NOC3L: variants seen among roughly 807,000 people sequenced by gnomAD.
The protein encoded by NOC3L is nucleolar complex protein 3 homolog.
A neutral mutation model predicts 102.5 loss-of-function variants in NOC3L; 85 were observed. The observed-to-expected ratio is 0.83, with a 90% CI of 0.70 to 0.99. The LOEUF (loss-of-function observed/expected upper bound fraction) is 0.99, where lower values mean the gene tolerates loss of function less well. Among genes scored for constraint, NOC3L ranks in the 50% least tolerant of loss-of-function variants. The probability of loss-of-function intolerance (pLI) is 0.00; values close to 1 mark genes in which losing one functional copy is unlikely to be tolerated. For synonymous variants in NOC3L, 303 were observed against 309.4 expected (o/e 0.98, Z 0.22); for missense variants, 878 against 914.9 (o/e 0.96, Z 0.52).
intron 17 of NOC3L, among the ~76,000 whole-genome samples, chr10:94,339,083 G>T: frequency 6.6e-6 from 1 of 152,046 alleles, no homozygotes; most frequent in East Asian, 1.9e-4. Context: ...AGCAAAAAAA[G>T]AAATAACCTA....
the NOC3L span, chr10:94,328,053 G>A: frequency 6.0e-5 from 30 of 502,916 alleles, no homozygotes; most frequent in Admixed American, 1.7e-4. Context: ...GGAAATTGAT[G>A]ATTTCTGAAC....
At position 94,357,855 on chromosome 10, in the gene NOC3L, C is replaced by G. The variant is rs1045102160; in HGVS notation, c.350+228G>C. 10 of 490,676 alleles carry G rather than the reference C, an allele frequency of 2.0e-5. No homozygotes were observed. The South Asian group carries it at 2.3e-4, about 11-fold the overall frequency. The allele number at this position is 490,676 out of a possible 1,614,324, so 30.4% of individuals were successfully genotyped here. A position where few individuals can be genotyped will look rare whatever the true frequency, so the allele number is the denominator to read the frequency against. ...TCAAAGTGAGAACAGCATTCTTCCC[C>G]CATTCACTCTACTTGACTATTCAGA... is the stretch of plus-strand genomic sequence containing the variant. On this transcript the variant is annotated intron_variant, in intron 3 of 20. Transcript: ENST00000371361.
At chr10:94,328,157 G>A in the NOC3L span, 1 of 305,290 alleles carries the variant, frequency 3.3e-6, no homozygotes, top group Non-Finnish European at 7.0e-6. Context: ...ATGAAGCCCA[G>A]GGGACTGCCA....
intron 3 of NOC3L, 156 bp from the exon 4 acceptor site, chr10:94,357,487 C>G (rs1156266271): frequency 4.4e-6 from 2 of 450,800 alleles, no homozygotes; most frequent in African/African-American, 2.0e-5. Context: ...AGCAGGCACT[C>G]AAACAGCAAA....
At chr10:94,357,766 A>G (rs2054505370) in intron 3 of NOC3L, 1 of 298,286 alleles carries the variant, frequency 3.4e-6, no homozygotes, top group Non-Finnish European at 6.1e-6. Context: ...AAGACCTACC[A>G]GCAGGGTAAT....
chr10:94,340,151 C>G, intron 16 of NOC3L, 125 bp downstream of exon 16: 1 of 829,372 alleles, frequency 1.2e-6, no homozygotes, highest in African/African-American at 1.7e-5. Context: ...AATACAGATG[C>G]ATGGCACTGG....
At chr10:94,337,030 T>C (rs897156743) in intron 19 of NOC3L, among the ~76,000 whole-genome samples, 8 of 150,314 alleles carry the variant, frequency 5.3e-5, no homozygotes, top group African/African-American at 1.7e-4. Context: ...AATTGCGCCA[T>C]TGCACTCCAG....
chr10:94,352,528 G>A (rs558555688), intron 7 of NOC3L, 125 bp from the exon 8 acceptor site: 30 of 660,736 alleles, frequency 4.5e-5, no homozygotes, highest in South Asian at 2.0e-4. Flanking sequence ...CAAAAAACGC[G>A]GCAGTCGTTT....
At chr10:94,361,386 G>C (rs1367226708) in intron 2 of NOC3L, 13 of 414,996 alleles carry the variant, frequency 3.1e-5, no homozygotes, top group Non-Finnish European at 4.3e-6. Context: ...ATGTAACGGA[G>C]TACTTTCAGT....
rs548119441 is a variant in NOC3L at position 94,340,471 on chromosome 10, T to A, written c.1670A>T (p.His557Leu). Residue 557 changes from histidine (H) to leucine (L), a missense_variant, in exon 15 of 21, where the codon CAC (histidine) becomes CTC (leucine). Coordinates refer to ENST00000371361, the MANE Select transcript of NOC3L (RefSeq NM_022451.11). ...SGDLSYQESLHCVQTAFHILS... is the reference protein window; with the variant it reads ...SGDLSYQESLLCVQTAFHILS... Reference sequence around the variant, plus strand: ...AATATGAAAAGCAGTCTGGACACAGTGAAGACTTTCTTGATAGCTTAGGTC... The same window carrying A: ...AATATGAAAAGCAGTCTGGACACAGAGAAGACTTTCTTGATAGCTTAGGTC... 2.4e-5 allele frequency: 33 copies of A among 1,371,570 alleles called. No homozygotes were observed. In the South Asian group the frequency reaches 3.3e-4, roughly 14 times the overall value. 85.0% of individuals were successfully genotyped at this position (1,371,570 alleles called of 1,614,324 possible). A position where few individuals can be genotyped will look rare whatever the true frequency, so the allele number is the denominator to read the frequency against.
At chr10:94,317,254 C>CA in the NOC3L span, among the ~76,000 whole-genome samples, 25 of 149,216 alleles carry the variant, frequency 1.7e-4, no homozygotes, top group African/African-American at 3.9e-4. Context: ...GACTCTGTCT[C>CA]AAAAAAAAAG....
chr10:94,326,569 T>C, the NOC3L span, among the ~76,000 whole-genome samples: 9 of 152,316 alleles, frequency 5.9e-5, no homozygotes, highest in Admixed American at 1.3e-4. Context: ...TCTCTACATA[T>C]AAAGAGCCCG....
intron 10 of NOC3L, 137 bp from the exon 11 acceptor site, chr10:94,346,693 A>G (rs1589570771): frequency 2.3e-6 from 1 of 427,854 alleles, no homozygotes; most frequent in Non-Finnish European, 3.8e-6. Flanking sequence ...AACATTTTAC[A>G]CCAACTTCTT....
At chr10:94,351,733 C>T (rs1339781313) in intron 8 of NOC3L, among the ~76,000 whole-genome samples, 1 of 150,570 alleles carries the variant, frequency 6.6e-6, no homozygotes, top group African/African-American at 2.4e-5. Flanking sequence ...TCACTACATT[C>T]CCCAGGCTGG....
chr10:94,347,219 T>C (rs1282613807), intron 10 of NOC3L, among the ~76,000 whole-genome samples: 1 of 152,136 alleles, frequency 6.6e-6, no homozygotes, highest in Non-Finnish European at 1.5e-5. Flanking sequence ...TTTGTATTAT[T>C]TTGATGTTCC....
Position 94,360,326 on chromosome 10 carries a change from T to A in NOC3L, c.217+1339A>T, listed in dbSNP as rs561135339. Among the ~76,000 whole-genome samples the A allele has an allele frequency of 5.9e-5, 9 of 151,726 alleles. No individual in the cohort carries two copies. The South Asian group carries it at 1.7e-3, about 28-fold the overall frequency. ...AGAGACTCCATCTCAAAAAAAATAA[T>A]AATAATAATAATAAAAGAAAATATG... On this transcript the variant is annotated intron_variant, in intron 2 of 20. Coordinates refer to ENST00000371361, the MANE Select transcript of NOC3L (RefSeq NM_022451.11).
Position 94,361,768 on chromosome 10 carries a change from A to T in NOC3L, c.114T>A (p.Thr38=). 1 of 1,613,880 alleles carries T rather than the reference A, an allele frequency of 6.2e-7. No homozygotes were observed. Among genetic ancestry groups the T allele is most frequent in the Non-Finnish European group, 8.5e-7 (1 of 1,179,902 alleles). ...TCTGTTCTTTTCGGTACTTCTTGAG[A>T]GTGCTTTGTTGTTTAAACTGCTTAT... is the stretch of plus-strand genomic sequence containing the variant. The part of the protein sequence containing the change: ...LKNKQFKQQS[T]LKKYRKEQRK... Residue 38 remains threonine, a synonymous_variant, in exon 2 of 21, where the codon ACT becomes ACA. Transcript: ENST00000371361.
chr10:94,325,071 C>A, the NOC3L span: 1 of 1,614,006 alleles, frequency 6.2e-7, no homozygotes, highest in Non-Finnish European at 8.5e-7. Flanking sequence ...CAATGGATTA[C>A]CGACAGTGAC....
rs1449995936 is a variant in NOC3L, at chr10:94,340,320, T to C, written c.1736A>G (p.Lys579Arg). 1 of 1,613,004 alleles carries C rather than the reference T, an allele frequency of 6.2e-7. No individual in the cohort carries two copies. Among genetic ancestry groups the C allele is most frequent in the Non-Finnish European group, 8.5e-7 (1 of 1,179,662 alleles). ...QGDVLNIDPL[K>R]FYTHLYKTLF... is the part of the protein sequence containing the mutation. ...TGTTTTGTAGAGATGTGTGTAGAAT[T>C]TCAATGGATCAATATTCAGAACATC... The change falls in exon 16 of 21, where the codon AAA becomes AGA. Residue 579 changes from lysine (K) to arginine (R), a missense_variant. By Grantham distance (26) the Lys-to-Arg change is conservative (BLOSUM62 2). Coordinates refer to ENST00000371361, the MANE Select transcript of NOC3L (RefSeq NM_022451.11).
Sources: allele counts gnomAD v4.1 joint callset (sites outside exome capture counted in the v4.1 genomes callset), GRCh38; gene constraint gnomAD v4.1.1; transcripts MANE v1.5; gene names NCBI Gene and HGNC (gene_info 2026-07-23, HGNC 2026-07-21).